SHTN1: variants seen among roughly 807,000 people sequenced by gnomAD.
SHTN1 encodes the protein shootin-1.
A neutral mutation model predicts 83.1 loss-of-function variants in SHTN1; 42 were observed. That is an observed-to-expected ratio of 0.51 (90% confidence interval 0.39 to 0.65). The LOEUF is 0.65. SHTN1 is among the 30% of genes least tolerant of loss of function. The probability of loss-of-function intolerance (pLI) is 0.00; values close to 1 mark genes in which losing one functional copy is unlikely to be tolerated. For missense variants in SHTN1, 622 were observed against 737.8 expected, an observed-to-expected ratio of 0.84 and a Z score of 1.82; for synonymous variants, 224 against 247.7, an observed-to-expected ratio of 0.90 and a Z score of 0.90.
chr10:116,991,828 C>T (rs1288286692), intron 1 of SHTN1, among the ~76,000 whole-genome samples: 3 of 151,992 alleles, frequency 2.0e-5, no homozygotes, highest in African/African-American at 7.3e-5. Flanking sequence ...ACTATACATT[C>T]GAGGGGAAAA....
At chr10:117,105,180 A>T (rs1219332879) in intron 1 of SHTN1, among the ~76,000 whole-genome samples, 1 of 152,164 alleles carries the variant, frequency 6.6e-6, no homozygotes, top group Non-Finnish European at 1.5e-5. Context: ...TGAACATACC[A>T]TGTCCTCAAT....
At chr10:117,019,338 C>G (rs779455403) in intron 2 of SHTN1, among the ~76,000 whole-genome samples, 14 of 151,898 alleles carry the variant, frequency 9.2e-5, no homozygotes, top group Non-Finnish European at 1.8e-4. Flanking sequence ...TGCAAGCCAC[C>G]ACACTTAGCT....
Position 116,912,749 on chromosome 10 carries a change from A to T in SHTN1, c.1306-906T>A, listed in dbSNP as rs150436426. Among the ~76,000 whole-genome samples, 564 of 152,224 alleles carry T rather than the reference A, an allele frequency of 3.7e-3. 4 individuals carry two copies. Among genetic ancestry groups the T allele is most frequent in the African/African-American group, 0.013 (534 of 41,548 alleles). On this transcript the variant is annotated intron_variant, in intron 13 of 16. Transcript: ENST00000355371. ...CACAAAGGATAGAGATGAAGGGGAA[A>T]CTTGCAAGACATAGTGAAAGGAACC...
At chr10:116,925,989 A>G (rs1044965919) in intron 11 of SHTN1, among the ~76,000 whole-genome samples, 1 of 152,060 alleles carries the variant, frequency 6.6e-6, no homozygotes, top group African/African-American at 2.4e-5. Context: ...TTGACAAGAA[A>G]GCACTCCTCA....
upstream of SHTN1, among the ~76,000 whole-genome samples, chr10:117,007,554 CAAAAA>C (rs35941784): frequency 6.1e-5 from 1 of 16,372 alleles, no homozygotes; most frequent in Non-Finnish European, 1.2e-4. Context: ...GACTCCATCT[CAAAAA>C]AAAAAAAAAA....
intron 1 of SHTN1, among the ~76,000 whole-genome samples, chr10:117,098,523 C>G (rs1217642883): frequency 6.6e-6 from 1 of 151,826 alleles, no homozygotes; most frequent in Non-Finnish European, 1.5e-5. Flanking sequence ...CTCAAAGTGA[C>G]GGCAGCCCTG....
chr10:117,043,587 TC>T (rs1258460749), intron 2 of SHTN1, among the ~76,000 whole-genome samples: 1 of 152,166 alleles, frequency 6.6e-6, no homozygotes, highest in African/African-American at 2.4e-5. Flanking sequence ...ATGCCTGTAA[TC>T]CCAGCACATT....
At chr10:117,095,195 G>A (rs942841177) in intron 1 of SHTN1, among the ~76,000 whole-genome samples, 4 of 152,184 alleles carry the variant, frequency 2.6e-5, no homozygotes, top group Admixed American at 6.5e-5. Context: ...TAATTAGGCA[G>A]TGACCAACAA....
At chr10:116,967,194 C>T (rs1470334498) in intron 3 of SHTN1, among the ~76,000 whole-genome samples, 3 of 152,196 alleles carry the variant, frequency 2.0e-5, no homozygotes, top group South Asian at 2.1e-4. Flanking sequence ...TTCCCTGCTA[C>T]GGTCTGACCC....
At chr10:117,122,602 T>A (rs1853947500) in intron 1 of SHTN1, among the ~76,000 whole-genome samples, 1 of 152,176 alleles carries the variant, frequency 6.6e-6, no homozygotes, top group East Asian at 1.9e-4. Flanking sequence ...ACCTCACATC[T>A]CTTAGGACAA....
At chr10:117,068,209 T>G (rs1000530329) in intron 1 of SHTN1, among the ~76,000 whole-genome samples, 1 of 152,114 alleles carries the variant, frequency 6.6e-6, no homozygotes, top group Non-Finnish European at 1.5e-5. Flanking sequence ...CTGGCCATCA[T>G]AGTGAAACAC....
At chr10:116,934,944 G>A (rs929851242) in intron 9 of SHTN1, among the ~76,000 whole-genome samples, 1 of 152,120 alleles carries the variant, frequency 6.6e-6, no homozygotes, top group Non-Finnish European at 1.5e-5. Context: ...GTGAATCAGA[G>A]TTCACTCATG....
chr10:116,943,872 A>T (rs919618148), intron 8 of SHTN1, among the ~76,000 whole-genome samples: 1 of 152,090 alleles, frequency 6.6e-6, no homozygotes, highest in African/African-American at 2.4e-5. Context: ...TGGAGATCTC[A>T]TTGCAGACCA....
At chr10:116,888,365 T>A (rs549008185) in intron 16 of SHTN1, among the ~76,000 whole-genome samples, 1 of 152,132 alleles carries the variant, frequency 6.6e-6, no homozygotes, top group Non-Finnish European at 1.5e-5. Flanking sequence ...GCAGAACAAC[T>A]ATGAGTAATA....
Position 117,024,113 on chromosome 10 carries a change from T to TA in SHTN1, c.-123+24331dup, listed in dbSNP as rs1368789123. ...TGTGGTCAGGCACTCTGAATTTTTT[T>TA]AAAAATTATGCTGAATGGAAGCGGC... On this transcript the variant is annotated intron_variant, in intron 2 of 17. Coordinates refer to the SHTN1 transcript ENST00000392901. 8.5e-5 allele frequency among the ~76,000 whole-genome samples: 13 copies of TA among 152,292 alleles called. No homozygotes were observed. In the South Asian group the frequency reaches 1.0e-3, roughly 12 times the overall value.
At chr10:117,076,208 T>C (rs1268943839) in intron 1 of SHTN1, among the ~76,000 whole-genome samples, 1 of 147,424 alleles carries the variant, frequency 6.8e-6, no homozygotes, top group Non-Finnish European at 1.5e-5. Context: ...AAAAAGATAA[T>C]GTTAGATATT....
At chr10:117,063,957 TC>T (rs749700066) in intron 1 of SHTN1, among the ~76,000 whole-genome samples, 59 of 152,210 alleles carry the variant, frequency 3.9e-4, no homozygotes, top group South Asian at 1.5e-3. Flanking sequence ...TTCACCATAT[TC>T]CCTAAAATAA....
chr10:117,121,083 T>C (rs1439953135), intron 1 of SHTN1, among the ~76,000 whole-genome samples: 1 of 152,208 alleles, frequency 6.6e-6, no homozygotes, highest in African/African-American at 2.4e-5. Context: ...GTGCTGAGAT[T>C]ACAGGCATGA....
Position 117,111,991 on chromosome 10 carries a change from A to C in SHTN1, c.-189+14316T>G, listed in dbSNP as rs115232093. Among the ~76,000 whole-genome samples the C allele has an allele frequency of 2.9e-3, 442 of 151,992 alleles. 2 individuals are homozygous for C. The highest frequency in any genetic ancestry group is 0.01 in the African/African-American group (425 of 41,426). ...GTTTTTGTTTTTTCTTTTGAGACAG[A>C]ATGTTTCTCTGTCACCCAGGCTGGA... On this transcript the variant is annotated intron_variant, in intron 1 of 17. Transcript: ENST00000392901.
Sources: allele counts gnomAD v4.1 joint callset (sites outside exome capture counted in the v4.1 genomes callset), GRCh38; gene constraint gnomAD v4.1.1; transcripts MANE v1.5; gene names NCBI Gene and HGNC (gene_info 2026-07-23, HGNC 2026-07-21).